Variants in ANKHD1 observed in about 807,000 individuals in gnomAD.
The protein encoded by ANKHD1 is ankyrin repeat and KH domain-containing protein 1.
In ANKHD1, 31 loss-of-function variants were observed where a neutral mutation model predicts 230.5. That is an observed-to-expected ratio of 0.13 (90% CI 0.10 to 0.18). The LOEUF is 0.18. ANKHD1 is among the 10% of genes least tolerant of loss of function. The probability of loss-of-function intolerance (pLI) is 1.00; values close to 1 mark genes in which losing one functional copy is unlikely to be tolerated. For missense variants in ANKHD1, 2,256 were observed against 3,071.3 expected, an observed-to-expected ratio of 0.73 and a Z score of 6.27; for synonymous variants, 1,074 against 1,117.6, an observed-to-expected ratio of 0.96 and a Z score of 0.78.
At chr5:140,495,585 C>T (rs183619591) in intron 14 of ANKHD1, among the ~76,000 whole-genome samples, 107 of 152,254 alleles carry the variant, frequency 7.0e-4, no homozygotes, top group Non-Finnish European at 1.3e-3. Flanking sequence ...AGATTTGCCT[C>T]AGAGTAGGTA....
chr5:140,511,528 G>A (rs1561815004), intron 22 of ANKHD1, among the ~76,000 whole-genome samples: 1 of 152,094 alleles, frequency 6.6e-6, no homozygotes, highest in Non-Finnish European at 1.5e-5. Context: ...TTATAGTTGA[G>A]TTTTGATTTT....
At chr5:140,447,920 G>T (rs1774417994) in intron 6 of ANKHD1, among the ~76,000 whole-genome samples, 1 of 152,190 alleles carries the variant, frequency 6.6e-6, no homozygotes, top group Non-Finnish European at 1.5e-5. Flanking sequence ...TGCAAGAGGG[G>T]CAGAGAAACA....
In ANKHD1 at chr5:140,438,469, A is replaced by G; in HGVS notation, c.469A>G (p.Lys157Glu). The change falls in exon 3 of 34, where the codon AAA (lysine) becomes GAA (glutamate). Residue 157 changes from lysine to glutamate, a missense_variant. Transcript: ENST00000360839. The stretch of plus-strand genomic sequence containing the variant: ...ATTGATGCACACTGAAGGAATTGGC[A>G]AATTGTCAACTGCTGATGGTAAAGC... Reference protein sequence around the residue: ...EALLEAAGIGKLSTADGKAFA... With the variant: ...EALLEAAGIGELSTADGKAFA... 1 of 1,605,474 alleles carries G rather than the reference A, an allele frequency of 6.2e-7. No homozygotes were observed. The highest frequency in any genetic ancestry group is 1.1e-5 in the South Asian group (1 of 89,618).
intron 29 of ANKHD1, among the ~76,000 whole-genome samples, chr5:140,534,873 A>G (rs1490415086): frequency 6.6e-6 from 1 of 152,248 alleles, no homozygotes; most frequent in Non-Finnish European, 1.5e-5. Flanking sequence ...AATTATCCTC[A>G]GTAGTAGGCT....
At chr5:140,467,699 A>G (rs187745361) in intron 10 of ANKHD1, among the ~76,000 whole-genome samples, 1 of 152,332 alleles carries the variant, frequency 6.6e-6, no homozygotes, top group East Asian at 1.9e-4. Context: ...TGACAGTGAA[A>G]AAAATATAAA....
At position 140,538,257 on chromosome 5, in the gene ANKHD1, C is replaced by G. The variant is rs1363867068; in HGVS notation, c.7400C>G (p.Ser2467Cys). Residue 2467 changes from serine (S) to cysteine (C), a missense_variant, in exon 32 of 34, where the codon TCT (serine) becomes TGT (cysteine). By Grantham distance (112) the Ser-to-Cys change is moderately radical. Coordinates refer to ENST00000360839, the MANE Select transcript of ANKHD1 (RefSeq NM_017747.3). ...QPMASGFVDFSKGLPISMYGG... is the reference protein window; with the variant it reads ...QPMASGFVDFCKGLPISMYGG... ...ATGGCAAGTGGTTTTGTGGATTTTT[C>G]TAAAGTGAGTTGACAAACATCACTG... 1 of 1,613,336 alleles carries G rather than the reference C, an allele frequency of 6.2e-7. No homozygotes were observed. The highest frequency in any genetic ancestry group is 1.7e-5 in the Admixed American group (1 of 59,858).
At chr5:140,526,829 A>G (rs1012572791) in intron 26 of ANKHD1, 99 bp from the exon 27 acceptor site, 2 of 1,425,698 alleles carry the variant, frequency 1.4e-6, no homozygotes, top group Non-Finnish European at 1.8e-6. Flanking sequence ...AAAGTTTAAT[A>G]CGAATATTTC....
intron 7 of ANKHD1, among the ~76,000 whole-genome samples, chr5:140,450,212 A>C (rs1774608934): frequency 6.6e-6 from 1 of 152,136 alleles, no homozygotes; most frequent in Admixed American, 6.6e-5. Context: ...TACACATGTT[A>C]ATTTGTATTT....
chr5:140,475,010 C>T (rs1459502666), intron 10 of ANKHD1, among the ~76,000 whole-genome samples: 1 of 152,136 alleles, frequency 6.6e-6, no homozygotes, highest in East Asian at 1.9e-4. Flanking sequence ...TAGGAAACTT[C>T]TGTCAATTTC....
chr5:140,498,006 C>G (rs1752115045), intron 15 of ANKHD1: 1 of 152,004 alleles, frequency 6.6e-6, no homozygotes, highest in Non-Finnish European at 1.5e-5. Context: ...ATGAGGTGCA[C>G]AAGTTTACTT....
At chr5:140,428,234 G>A (rs1772704388) in intron 1 of ANKHD1, among the ~76,000 whole-genome samples, 1 of 152,160 alleles carries the variant, frequency 6.6e-6, no homozygotes, top group Non-Finnish European at 1.5e-5. Context: ...CAGACGGGGT[G>A]GCGGCCGGGC....
intron 10 of ANKHD1, among the ~76,000 whole-genome samples, chr5:140,474,049 T>G (rs1419294450): frequency 6.6e-6 from 1 of 152,230 alleles, no homozygotes; most frequent in African/African-American, 2.4e-5. Context: ...CTGAGTTCTT[T>G]TCTTTTTCCA....
intron 14 of ANKHD1, among the ~76,000 whole-genome samples, chr5:140,493,410 A>G (rs941956226): frequency 6.6e-6 from 1 of 152,212 alleles, no homozygotes; most frequent in Non-Finnish European, 1.5e-5. Flanking sequence ...CACTGATACC[A>G]GTGAATAGAT....
intron 24 of ANKHD1, among the ~76,000 whole-genome samples, chr5:140,522,517 C>CTTT (rs1296271392): frequency 1.3e-5 from 2 of 152,118 alleles, no homozygotes; most frequent in Non-Finnish European, 2.9e-5. Flanking sequence ...AATAATCATA[C>CTTT]TTTTTCTCTT....
rs1447519179 is a variant in ANKHD1, at chr5:140,436,101, C to T, written c.307-3C>T. ...GGATATTGCATCTTTATTTCATTAA[C>T]AGGTTGAATCATTTATTTTGGACCA... On this transcript the variant is annotated splice_region_variant and splice_polypyrimidine_tract_variant and intron_variant, in intron 1 of 33. Transcript: ENST00000360839. The T allele has an allele frequency of 1.9e-6, 3 of 1,541,660 alleles. No homozygotes were observed. In the Admixed American group the frequency reaches 6.4e-5, roughly 33 times the overall value.
At chr5:140,434,260 G>T (rs1773274957) in intron 1 of ANKHD1, among the ~76,000 whole-genome samples, 1 of 151,844 alleles carries the variant, frequency 6.6e-6, no homozygotes. Flanking sequence ...GGACTCTGTA[G>T]GTATGTGGCC....
Position 140,449,649 on chromosome 5 carries a change from G to A in ANKHD1, c.1242+344G>A, listed in dbSNP as rs370875587. 1.3e-3 allele frequency among the ~76,000 whole-genome samples: 201 copies of A among 150,126 alleles called. No homozygotes were observed. In the South Asian group the frequency reaches 0.014, roughly 10 times the overall value. ...TGCACTCCAGCCTGGGCGATAGAGCGAGACTCGGTCTCAAAAAAAAAAAAA... is the reference window on the plus strand; with the variant it reads ...TGCACTCCAGCCTGGGCGATAGAGCAAGACTCGGTCTCAAAAAAAAAAAAA... On this transcript the variant is annotated intron_variant, in intron 7 of 33. Transcript: ENST00000360839.
At chr5:140,442,892 T>C (rs1158771730) in intron 5 of ANKHD1, among the ~76,000 whole-genome samples, 2 of 152,062 alleles carry the variant, frequency 1.3e-5, no homozygotes, top group Admixed American at 1.3e-4. Context: ...ACTTATTTTC[T>C]ATTTTATTAA....
rs568572878 is a variant in ANKHD1, at chr5:140,530,157, G to A, written c.6850+361G>A. On this transcript the variant is annotated intron_variant, in intron 29 of 33. Transcript: ENST00000360839. ...ATTTACATTGTTTAATAGTACTCTT[G>A]TTTATTTTAGGTATAGCTATTTGTT... 1.1e-4 allele frequency among the ~76,000 whole-genome samples: 16 copies of A among 151,892 alleles called. No homozygotes were observed. In the South Asian group the frequency reaches 3.3e-3, roughly 32 times the overall value.
Sources: gnomAD v4.1 joint callset for allele counts (sites outside exome capture counted in the v4.1 genomes callset) on GRCh38, gnomAD v4.1.1 for gene constraint, MANE v1.5 for transcripts, NCBI Gene and HGNC (gene_info 2026-07-23, HGNC 2026-07-21) for gene names.